MACROD2: variants seen among roughly 807,000 people sequenced by gnomAD.
MACROD2 encodes mono-ADP ribosylhydrolase 2.
Under a neutral mutation model 70.4 loss-of-function variants are expected in MACROD2, and 36 were observed. The observed-to-expected ratio is 0.51, with a 90% confidence interval of 0.39 to 0.68. The LOEUF (loss-of-function observed/expected upper bound fraction) is 0.68, where lower values mean the gene tolerates loss of function less well. Among genes scored for constraint, MACROD2 ranks in the 30% least tolerant of loss-of-function variants. The probability of loss-of-function intolerance (pLI) is 0.00; values close to 1 mark genes in which losing one functional copy is unlikely to be tolerated. For missense variants in MACROD2, 496 were observed against 538.4 expected, an observed-to-expected ratio of 0.92 and a Z score of 0.78; for synonymous variants, 172 against 178.8, an observed-to-expected ratio of 0.96 and a Z score of 0.30.
intron 5 of MACROD2, among the ~76,000 whole-genome samples, chr20:14,854,842 C>A (rs2089988187): frequency 6.6e-6 from 1 of 152,048 alleles, no homozygotes; most frequent in South Asian, 2.1e-4. Flanking sequence ...CGGTGAAACC[C>A]CATCTCTACT....
At chr20:14,019,833 A>C (rs1277404013) in intron 2 of MACROD2, among the ~76,000 whole-genome samples, 2 of 152,088 alleles carry the variant, frequency 1.3e-5, no homozygotes, top group African/African-American at 4.8e-5. Flanking sequence ...GTAATTGGGG[A>C]AGTTGCAAAT....
intron 3 of MACROD2, among the ~76,000 whole-genome samples, chr20:14,301,215 C>T (rs1471448443): frequency 6.6e-6 from 1 of 152,140 alleles, no homozygotes; most frequent in Non-Finnish European, 1.5e-5. Flanking sequence ...ACCACTATGT[C>T]ATGCTGCCTC....
At chr20:14,399,761 A>G (rs2083618170) in intron 3 of MACROD2, among the ~76,000 whole-genome samples, 1 of 152,138 alleles carries the variant, frequency 6.6e-6, no homozygotes, top group African/African-American at 2.4e-5. Flanking sequence ...ATTTAAAAAA[A>G]TTCTTTTCCA....
At chr20:15,568,460 C>A (rs1455072754) in intron 8 of MACROD2, among the ~76,000 whole-genome samples, 1 of 152,052 alleles carries the variant, frequency 6.6e-6, no homozygotes, top group East Asian at 1.9e-4. Context: ...TGTGTCAACA[C>A]CGTTGGCTGC....
At chr20:14,561,241 G>A (rs1020172756) in intron 4 of MACROD2, among the ~76,000 whole-genome samples, 8 of 151,732 alleles carry the variant, frequency 5.3e-5, no homozygotes, top group African/African-American at 1.9e-4. Flanking sequence ...TTATTTAGAA[G>A]CATTTTATTA....
chr20:15,293,978 G>T (rs1181327917), intron 6 of MACROD2, among the ~76,000 whole-genome samples: 9 of 151,922 alleles, frequency 5.9e-5, no homozygotes, highest in East Asian at 1.9e-4. Flanking sequence ...AAATTAGCTG[G>T]GCGTGGTGAT....
chr20:14,522,809 A>G (rs897161307), intron 4 of MACROD2, among the ~76,000 whole-genome samples: 16 of 152,180 alleles, frequency 1.1e-4, no homozygotes, highest in Non-Finnish European at 5.9e-5. Context: ...AAGCATTAGA[A>G]TGTAAACTCC....
chr20:15,455,986 C>T (rs983492747), intron 7 of MACROD2, among the ~76,000 whole-genome samples: 2 of 152,116 alleles, frequency 1.3e-5, no homozygotes, highest in Non-Finnish European at 2.9e-5. Flanking sequence ...TGAGGGATAG[C>T]TCTGTTGACC....
At chr20:15,830,725 A>C (rs1222912692) in intron 8 of MACROD2, among the ~76,000 whole-genome samples, 1 of 152,190 alleles carries the variant, frequency 6.6e-6, no homozygotes, top group Non-Finnish European at 1.5e-5. Context: ...AAATTCTCTA[A>C]ACTTCTGTTT....
intron 6 of MACROD2, among the ~76,000 whole-genome samples, chr20:15,252,309 A>C (rs2077162628): frequency 6.6e-6 from 1 of 152,228 alleles, no homozygotes. Flanking sequence ...TGTACCAGTC[A>C]GGATAGCCTA....
chr20:14,271,965 A>T (rs1245866056), intron 3 of MACROD2, among the ~76,000 whole-genome samples: 2 of 152,146 alleles, frequency 1.3e-5, no homozygotes, highest in Non-Finnish European at 2.9e-5. Flanking sequence ...AAAGAAACGA[A>T]CAAAGCCTCC....
At chr20:14,555,783 G>T (rs1055475930) in intron 4 of MACROD2, among the ~76,000 whole-genome samples, 1 of 151,986 alleles carries the variant, frequency 6.6e-6, no homozygotes, top group African/African-American at 2.4e-5. Flanking sequence ...CTGTAAAGGC[G>T]CAAATGAAAA....
intron 8 of MACROD2, among the ~76,000 whole-genome samples, chr20:15,561,432 T>G (rs2048242564): frequency 6.6e-6 from 1 of 152,198 alleles, no homozygotes; most frequent in Non-Finnish European, 1.5e-5. Context: ...CATTTTGGGC[T>G]GAATCTGGCT....
intron 8 of MACROD2, among the ~76,000 whole-genome samples, chr20:15,768,566 A>G (rs766700335): frequency 6.6e-6 from 1 of 152,236 alleles, no homozygotes; most frequent in Non-Finnish European, 1.5e-5. Context: ...ACACTGCTGT[A>G]GACTTCAGAA....
intron 3 of MACROD2, among the ~76,000 whole-genome samples, chr20:14,258,699 G>A (rs761314173): frequency 6.6e-6 from 1 of 152,092 alleles, no homozygotes; most frequent in Non-Finnish European, 1.5e-5. Flanking sequence ...TTGCTGTGCA[G>A]AAGCTTTTTA....
At chr20:15,994,936 A>T (rs1225883) in intron 15 of MACROD2, among the ~76,000 whole-genome samples, 42,406 of 152,058 alleles carry the variant, frequency 0.28, 6,101 homozygotes, top group South Asian at 0.35. Context: ...AGATGTTAAG[A>T]TGTGAAAGCA....
Position 15,178,627 on chromosome 20 carries a change from C to T in MACROD2, c.419-51313C>T, listed in dbSNP as rs1408054676. Among the ~76,000 whole-genome samples the T allele has an allele frequency of 2.6e-5, 4 of 152,164 alleles. No homozygotes were observed. In the South Asian group the frequency reaches 8.3e-4, roughly 32 times the overall value. ...TGGGATCTGATGTCTCTGCATGAGT[C>T]CTTGCTCAACCTGCACCAATCTCTG... On this transcript the variant is annotated intron_variant, in intron 5 of 17. Transcript: ENST00000684519.
At chr20:14,471,280 G>C (rs940517929) in intron 3 of MACROD2, among the ~76,000 whole-genome samples, 32 of 152,274 alleles carry the variant, frequency 2.1e-4, no homozygotes, top group African/African-American at 7.0e-4. Context: ...CCAATGAGAT[G>C]AGCCAGGTAC....
chr20:14,547,679 T>G (rs1312290581), intron 4 of MACROD2: 3 of 152,306 alleles, frequency 2.0e-5, no homozygotes, highest in Non-Finnish European at 4.4e-5. Flanking sequence ...CTGTTATTGC[T>G]TAACAAACCA....
Sources: gnomAD v4.1 joint callset for allele counts (sites outside exome capture counted in the v4.1 genomes callset) on GRCh38, gnomAD v4.1.1 for gene constraint, MANE v1.5 for transcripts, NCBI Gene and HGNC (gene_info 2026-07-23, HGNC 2026-07-21) for gene names.